ABCA13: variants seen among roughly 807,000 people sequenced by gnomAD.
ABCA13 encodes ATP-binding cassette sub-family A member 13.
A neutral mutation model predicts 478.7 loss-of-function variants in ABCA13; 476 were observed. The ratio of observed to expected loss-of-function variants is 0.99; its 90% CI spans 0.92 to 1.07. The LOEUF (loss-of-function observed/expected upper bound fraction) is 1.07, where lower values mean the gene tolerates loss of function less well. ABCA13 is among the 50% of genes least tolerant of loss of function. ABCA13 has a pLI of 0.00. For missense variants in ABCA13, 6,060 were observed against 5,910.6 expected, an observed-to-expected ratio of 1.03 and a Z score of -0.83; for synonymous variants, 2,252 against 2,158.9, an observed-to-expected ratio of 1.04 and a Z score of -1.20.
At chr7:48,407,192 G>T (rs80180673) in intron 39 of ABCA13, among the ~76,000 whole-genome samples, 2,520 of 152,180 alleles carry the variant, frequency 0.017, 54 homozygotes, top group African/African-American at 0.057. Flanking sequence ...TTCAGGGAAA[G>T]GCCTGGCACA....
At chr7:48,333,975 G>A (rs993950295) in intron 27 of ABCA13, among the ~76,000 whole-genome samples, 11 of 152,138 alleles carry the variant, frequency 7.2e-5, no homozygotes, top group Non-Finnish European at 1.6e-4. Context: ...AGTGTCATCC[G>A]AGCTGATCCC....
chr7:48,509,039 C>A (rs1279895550), intron 50 of ABCA13, among the ~76,000 whole-genome samples: 1 of 152,114 alleles, frequency 6.6e-6, no homozygotes, highest in Non-Finnish European at 1.5e-5. Flanking sequence ...ATAGATATCA[C>A]CTGGGACATT....
chr7:48,464,903 G>A (rs1398523655), intron 43 of ABCA13, among the ~76,000 whole-genome samples: 2 of 152,188 alleles, frequency 1.3e-5, no homozygotes, highest in African/African-American at 2.4e-5. Flanking sequence ...ATGGAGCAGA[G>A]GAGGCAGGGA....
At chr7:48,542,729 A>T (rs1476199197) in intron 55 of ABCA13, among the ~76,000 whole-genome samples, 1 of 151,728 alleles carries the variant, frequency 6.6e-6, no homozygotes, top group Non-Finnish European at 1.5e-5. Flanking sequence ...AAGCTGAATC[A>T]TCTTACTATT....
intron 31 of ABCA13, among the ~76,000 whole-genome samples, chr7:48,362,409 C>CTTTTTT (rs35795708): frequency 1.6e-3 from 140 of 85,826 alleles, no homozygotes; most frequent in Middle Eastern, 7.6e-3. Context: ...TCCTCTTCTT[C>CTTTTTT]TTTTTTTTTT....
chr7:48,391,868 G>C (rs957775981), intron 37 of ABCA13, 53 bp from the exon 38 acceptor site: 2 of 1,533,708 alleles, frequency 1.3e-6, no homozygotes, highest in Non-Finnish European at 1.8e-6. Flanking sequence ...GATTGCTGAC[G>C]TTCACAGTAT....
At chr7:48,532,370 C>A (rs1422661618) in intron 55 of ABCA13, among the ~76,000 whole-genome samples, 5 of 152,048 alleles carry the variant, frequency 3.3e-5, no homozygotes, top group African/African-American at 4.8e-5. Flanking sequence ...GGTGGATTAT[C>A]TTTTTGATAT....
Position 48,314,307 on chromosome 7 carries a change from C to T in ABCA13, c.9757C>T (p.Gln3253Ter), listed in dbSNP as rs752547844. 1.2e-6 allele frequency: 2 copies of T among 1,613,586 alleles called. No individual in the cohort carries two copies. The highest frequency in any genetic ancestry group is 2.2e-5 in the East Asian group (1 of 44,886). ...TGTGATGAAGATGGTTTGCAAGGAC[C>T]AAGCATCATTCCTTAGCGATTCTAA... ...QFVMKMVCKD[Q>*]ASFLSDSNMF... The change falls in exon 26 of 62, where the codon CAA (glutamine) becomes TAA (stop). Residue 3253 changes from glutamine (Q) to a stop codon, truncating the protein, a stop_gained. Coordinates refer to ENST00000435803, the MANE Select transcript of ABCA13 (RefSeq NM_152701.5). LOFTEE classifies it high-confidence loss of function.
At chr7:48,410,346 G>A (rs1818839773) in intron 39 of ABCA13, among the ~76,000 whole-genome samples, 174 bp from the exon 40 acceptor site, 1 of 152,140 alleles carries the variant, frequency 6.6e-6, no homozygotes, top group Non-Finnish European at 1.5e-5. Context: ...AGAGGAAAGA[G>A]TTTCAGGGCC....
intron 5 of ABCA13, 124 bp from the exon 6 acceptor site, chr7:48,227,133 ATATAT>A (rs1416016244): frequency 2.4e-6 from 2 of 818,216 alleles, no homozygotes; most frequent in Non-Finnish European, 4.0e-6. Context: ...CAATGTAGTG[ATATAT>A]TAAGTGTGAG....
At chr7:48,551,327 G>A (rs552747574) in intron 55 of ABCA13, among the ~76,000 whole-genome samples, 1 of 151,914 alleles carries the variant, frequency 6.6e-6, no homozygotes, top group Admixed American at 6.6e-5. Flanking sequence ...AAAGTAAAAT[G>A]TACATTTAAA....
intron 37 of ABCA13, among the ~76,000 whole-genome samples, chr7:48,391,133 G>T (rs943634974): frequency 6.6e-6 from 1 of 152,202 alleles, no homozygotes; most frequent in Non-Finnish European, 1.5e-5. Flanking sequence ...TTGATTTCTT[G>T]TGGTTTTAAC....
At chr7:48,607,817 G>A (rs1312062159) in intron 58 of ABCA13, among the ~76,000 whole-genome samples, 2 of 152,158 alleles carry the variant, frequency 1.3e-5, no homozygotes, top group Non-Finnish European at 2.9e-5. Context: ...TTACTTATTT[G>A]CCTGAGATAA....
chr7:48,581,921 G>C (rs1342569138), intron 56 of ABCA13, among the ~76,000 whole-genome samples: 1 of 152,136 alleles, frequency 6.6e-6, no homozygotes, highest in Non-Finnish European at 1.5e-5. Flanking sequence ...TATAGAACAG[G>C]CATATCCATT....
intron 27 of ABCA13, among the ~76,000 whole-genome samples, chr7:48,333,221 C>A (rs927464054): frequency 5.3e-5 from 8 of 152,326 alleles, no homozygotes; most frequent in Non-Finnish European, 8.8e-5. Context: ...CATCTCCATT[C>A]TTCTACTGAG....
intron 42 of ABCA13, among the ~76,000 whole-genome samples, chr7:48,442,093 T>C (rs145719105): frequency 7.6e-4 from 116 of 152,332 alleles, no homozygotes; most frequent in African/African-American, 2.7e-3. Context: ...GCTTTTACTC[T>C]AGATCAAGTC....
At chr7:48,328,958 G>A (rs1804760104) in intron 27 of ABCA13, among the ~76,000 whole-genome samples, 1 of 152,068 alleles carries the variant, frequency 6.6e-6, no homozygotes, top group Non-Finnish European at 1.5e-5. Flanking sequence ...AGTCTTTGAG[G>A]CCATGTTGGG....
At chr7:48,261,334 C>A (rs900959002) in intron 15 of ABCA13, among the ~76,000 whole-genome samples, 1 of 151,954 alleles carries the variant, frequency 6.6e-6, no homozygotes, top group Non-Finnish European at 1.5e-5. Flanking sequence ...TTCCTTCTCA[C>A]TGATAAACTT....
intron 59 of ABCA13, among the ~76,000 whole-genome samples, chr7:48,640,895 A>G (rs1373391324): frequency 2.0e-5 from 3 of 152,112 alleles, no homozygotes; most frequent in African/African-American, 7.2e-5. Flanking sequence ...TGAGTAACCT[A>G]TTTCAACCTA....
Sources: gnomAD v4.1 joint callset for allele counts (sites outside exome capture counted in the v4.1 genomes callset) on GRCh38, gnomAD v4.1.1 for gene constraint, MANE v1.5 for transcripts, NCBI Gene and HGNC (gene_info 2026-07-23, HGNC 2026-07-21) for gene names.